Variants in HPR observed in about 807,000 individuals in gnomAD.
HPR encodes the protein haptoglobin-related protein.
A neutral mutation model predicts 18.5 loss-of-function variants in HPR; 17 were observed. That is an observed-to-expected ratio of 0.92 (90% CI 0.63 to 1.38). The LOEUF (loss-of-function observed/expected upper bound fraction) is 1.38. HPR is among the 40% of genes most tolerant of loss of function. The pLI, the probability that HPR is intolerant of heterozygous loss-of-function variation, is 0.00. For synonymous variants in HPR, 176 were observed against 165.0 expected, an observed-to-expected ratio of 1.07 and a Z score of -0.51; for missense variants, 457 against 432.4, an observed-to-expected ratio of 1.06 and a Z score of -0.51.
chr16:72,073,456 C>A (rs2041678647), intron 1 of HPR, among the ~76,000 whole-genome samples: 1 of 152,152 alleles, frequency 6.6e-6, no homozygotes, highest in African/African-American at 2.4e-5. Context: ...CTGTTCCCAT[C>A]TTTGAGTTAT....
At chr16:72,072,074 T>C (rs1052677945) in intron 1 of HPR, among the ~76,000 whole-genome samples, 2 of 152,122 alleles carry the variant, frequency 1.3e-5, no homozygotes, top group African/African-American at 4.8e-5. Context: ...AATGGCATGA[T>C]CTCGGCTCAC....
At chr16:72,066,442 T>C (rs2041599090) in intron 1 of HPR, among the ~76,000 whole-genome samples, 1 of 152,082 alleles carries the variant, frequency 6.6e-6, no homozygotes, top group Non-Finnish European at 1.5e-5. Context: ...GACCAAACAT[T>C]TGCTGCCCAA....
In HPR at chr16:72,064,657, C is replaced by T. The variant is rs532901525; in HGVS notation, c.5+1397C>T. ...TGCTTTCCTTTGTTTAGGGTGCTCT[C>T]GTGGCAACCAGACTTACCAGGAGCT... is the stretch of plus-strand genomic sequence containing the variant. On this transcript the variant is annotated intron_variant, in intron 1 of 4. Coordinates refer to ENST00000540303, the MANE Select transcript of HPR (RefSeq NM_020995.4). Among the ~76,000 whole-genome samples the T allele has an allele frequency of 1.7e-4, 26 of 152,296 alleles. No individual in the cohort carries two copies. In the East Asian group the frequency reaches 4.1e-3, roughly 24 times the overall value.
At position 72,073,912 on chromosome 16, in the gene HPR, C is replaced by G. The variant is rs1224448476; in HGVS notation, c.26C>G (p.Ser9Cys). The G allele has an allele frequency of 6.2e-7, 1 of 1,614,044 alleles. No individual in the cohort carries two copies. Among genetic ancestry groups the G allele is most frequent in the South Asian group, 1.1e-5 (1 of 91,070 alleles). Residue 9 changes from serine (S) to cysteine (C), a missense_variant, in exon 2 of 5, where the codon TCC becomes TGC. Ser to Cys is a moderately radical substitution (Grantham distance 112). Coordinates refer to ENST00000540303, the MANE Select transcript of HPR (RefSeq NM_020995.4). ...TGCAGTGACCTGGGAGCTGTCATTT[C>G]CCTCCTGCTCTGGGGACGACAGCTT... MSDLGAVI[S>C]LLLWGRQLFA...
At chr16:72,076,000 G>A (rs1247779428) in intron 4 of HPR, among the ~76,000 whole-genome samples, 2 of 151,860 alleles carry the variant, frequency 1.3e-5, no homozygotes, top group African/African-American at 4.8e-5. Context: ...GAATTTCAGG[G>A]AATTGTGAAA....
intron 1 of HPR, among the ~76,000 whole-genome samples, chr16:72,067,242 A>C (rs1435195249): frequency 6.6e-6 from 1 of 152,192 alleles, no homozygotes; most frequent in African/African-American, 2.4e-5. Context: ...TGGGACCTAC[A>C]CATGAGCTTA....
At position 72,068,593 on chromosome 16, in the gene HPR, G is replaced by A. The variant is rs563785342; in HGVS notation, c.6-5299G>A. Among the ~76,000 whole-genome samples, 8 of 152,236 alleles carry A rather than the reference G, an allele frequency of 5.3e-5. No homozygotes were observed. In the East Asian group the frequency reaches 9.7e-4, roughly 18 times the overall value. ...AAATACACTTCACCTTTTCGTCAGC[G>A]TGAAAAATGGGGTGGCTTTAGGGGT... On this transcript the variant is annotated intron_variant, in intron 1 of 4. Transcript: ENST00000540303.
At chr16:72,074,455 G>A (rs1428995925) in intron 3 of HPR, 70 bp downstream of exon 3, 2 of 1,333,152 alleles carry the variant, frequency 1.5e-6, no homozygotes, top group Admixed American at 1.7e-5. Context: ...GATGGGTGGT[G>A]CTGAGGTGAT....
chr16:72,067,847 C>T (rs1260403923), intron 1 of HPR, among the ~76,000 whole-genome samples: 1 of 152,300 alleles, frequency 6.6e-6, no homozygotes, highest in Non-Finnish European at 1.5e-5. Flanking sequence ...ACAGTCCAGA[C>T]CACTAACCCT....
Position 72,077,195 on chromosome 16 carries a change from G to C in HPR, c.*114G>C. On this transcript the variant is annotated 3_prime_UTR_variant, in exon 5 of 5. Coordinates refer to ENST00000540303, the MANE Select transcript of HPR (RefSeq NM_020995.4). ...ATAAGATGTGGTTTGAAGCTGATGG[G>C]TGCCAGCCCTGCATTGCTGAGTCAA... is the stretch of plus-strand genomic sequence containing the variant. 3 of 1,057,350 alleles carry C rather than the reference G, an allele frequency of 2.8e-6. No homozygotes were observed. Among genetic ancestry groups the C allele is most frequent in the Non-Finnish European group, 4.0e-6 (3 of 742,228 alleles). 65.5% of individuals were successfully genotyped at this position (1,057,350 alleles called of 1,614,324 possible).
chr16:72,075,427 A>T (rs574366146), intron 4 of HPR, among the ~76,000 whole-genome samples: 1 of 152,222 alleles, frequency 6.6e-6, no homozygotes, highest in South Asian at 2.1e-4. Context: ...TGGGGCCTGA[A>T]GGGCACTGGC....
intron 1 of HPR, among the ~76,000 whole-genome samples, chr16:72,065,035 G>A (rs2041583253): frequency 6.6e-6 from 1 of 152,294 alleles, no homozygotes; most frequent in Admixed American, 6.5e-5. Flanking sequence ...TTCCTTGGTG[G>A]TCACTATATT....
chr16:72,070,146 A>G (rs1449813911), intron 1 of HPR, among the ~76,000 whole-genome samples: 2 of 152,346 alleles, frequency 1.3e-5, no homozygotes, highest in South Asian at 2.1e-4. Context: ...GCCATGGACT[A>G]AATGTCTTCC....
At chr16:72,075,944 G>A (rs184622955) in intron 4 of HPR, among the ~76,000 whole-genome samples, 10 of 151,710 alleles carry the variant, frequency 6.6e-5, no homozygotes, top group African/African-American at 2.4e-4. Flanking sequence ...CAAAGTGCTG[G>A]GATTACAGGC....
rs1357516407 is a variant in HPR, at chr16:72,076,711, G to A, written c.677G>A (p.Trp226Ter). 5 of 1,614,066 alleles carry A rather than the reference G, an allele frequency of 3.1e-6. No individual in the cohort carries two copies. The African/African-American group carries it at 5.3e-5, about 17-fold the overall frequency. ...GGGCGTGTGGGTTACGTGTCTGGCTGGGGACAAAGTGACAACTTTAAACTT... is the reference window on the plus strand; with the variant it reads ...GGGCGTGTGGGTTACGTGTCTGGCTAGGGACAAAGTGACAACTTTAAACTT... Reference protein sequence around the residue: ...EVGRVGYVSGWGQSDNFKLTD... With the variant: ...EVGRVGYVSG Residue 226 changes from tryptophan to a stop codon, truncating the protein, a stop_gained, in exon 5 of 5, where the codon TGG (tryptophan) becomes TAG (stop). Transcript: ENST00000540303. LOFTEE classifies it low-confidence loss of function (END_TRUNC).
At position 72,075,134 on chromosome 16, in the gene HPR, T is replaced by C; in HGVS notation, c.194-11T>C. 2 of 1,049,006 alleles carry C rather than the reference T, an allele frequency of 1.9e-6. No individual in the cohort carries two copies. The allele number at this position is 1,049,006 out of a possible 1,614,324, so 65.0% of individuals were successfully genotyped here. A position where few individuals can be genotyped will look rare whatever the true frequency, so the allele number is the denominator to read the frequency against. ...CTTTTCCTTTGGCTCATTTCTTGCC[T>C]TTTGTTTCAGGAGTATACACCTTAA... On this transcript the variant is annotated splice_polypyrimidine_tract_variant and intron_variant, in intron 3 of 4. Transcript: ENST00000540303.
chr16:72,070,591 T>G (rs2041644412), intron 1 of HPR, among the ~76,000 whole-genome samples: 1 of 152,194 alleles, frequency 6.6e-6, no homozygotes, highest in Non-Finnish European at 1.5e-5. Flanking sequence ...CCAACCAAAT[T>G]AACTCTAAAA....
At chr16:72,073,437 C>G (rs904172250) in intron 1 of HPR, among the ~76,000 whole-genome samples, 3 of 152,172 alleles carry the variant, frequency 2.0e-5, no homozygotes, top group African/African-American at 7.2e-5. Context: ...GAATAGCATA[C>G]TAAGCCCTCT....
intron 1 of HPR, among the ~76,000 whole-genome samples, chr16:72,067,938 T>C (rs905515964): frequency 1.3e-5 from 2 of 152,178 alleles, no homozygotes; most frequent in African/African-American, 4.8e-5. Flanking sequence ...TAAAGGATGC[T>C]TTTTGGGCAT....
Sources: gnomAD v4.1 joint callset for allele counts (sites outside exome capture counted in the v4.1 genomes callset) on GRCh38, gnomAD v4.1.1 for gene constraint, MANE v1.5 for transcripts, NCBI Gene and HGNC (gene_info 2026-07-23, HGNC 2026-07-21) for gene names.